Variants in ADAMTS6 observed in about 807,000 individuals in gnomAD.
The protein encoded by ADAMTS6 is ADAM metallopeptidase with thrombospondin type 1 motif 6.
In ADAMTS6, 23 loss-of-function variants were observed where a neutral mutation model predicts 144.3. The observed-to-expected ratio is 0.16, with a 90% CI of 0.11 to 0.23. The LOEUF (loss-of-function observed/expected upper bound fraction) is 0.23, where lower values mean the gene tolerates loss of function less well. ADAMTS6 is among the 10% of genes least tolerant of loss of function. The pLI, the probability that ADAMTS6 is intolerant of heterozygous loss-of-function variation, is 1.00. For missense variants in ADAMTS6, 999 were observed against 1,379.6 expected (o/e 0.72, Z 4.37); for synonymous variants, 444 against 457.5 (o/e 0.97, Z 0.38).
At chr5:65,245,950 G>A (rs2112514780) in intron 14 of ADAMTS6, among the ~76,000 whole-genome samples, 1 of 152,250 alleles carries the variant, frequency 6.6e-6, no homozygotes, top group African/African-American at 2.4e-5. Flanking sequence ...TTGTTTGGCA[G>A]CATTTCACAG....
In ADAMTS6 at chr5:65,473,599, G is replaced by C; in HGVS notation, c.75C>G (p.His25Gln). Residue 25 changes from histidine to glutamine, a missense_variant, in exon 2 of 25, where the codon CAC (histidine) becomes CAG (glutamine). By Grantham distance (24) the His-to-Gln change is conservative (BLOSUM62 0). Coordinates refer to ENST00000381055, the MANE Select transcript of ADAMTS6 (RefSeq NM_197941.4). ...IMASSEFHSD[H>Q]RLSYSSQEEF... ...TACCTTGAGAACTGTATGAAAGCCT[G>C]TGGTCACTATGAAATTCCGATGAAG... 1 of 1,613,654 alleles carries C rather than the reference G, an allele frequency of 6.2e-7. No homozygotes were observed. Among genetic ancestry groups the C allele is most frequent in the Non-Finnish European group, 8.5e-7 (1 of 1,179,634 alleles).
rs1760651020 is a variant in ADAMTS6, at chr5:65,473,852, A to G, written c.-179T>C. The G allele has an allele frequency of 5.9e-6, 3 of 505,338 alleles. No homozygotes were observed. The South Asian group carries it at 1.2e-4, about 20-fold the overall frequency. The allele number at this position is 505,338 out of a possible 1,614,324, so 31.3% of individuals were successfully genotyped here. On this transcript the variant is annotated 5_prime_UTR_variant, in exon 2 of 25. Coordinates refer to ENST00000381055, the MANE Select transcript of ADAMTS6 (RefSeq NM_197941.4). ...ATCCTGCACTTTCTTCTATATCTGGATTCATTTTCTCAATCCAAAATGAAA... is the reference window on the plus strand; with the variant it reads ...ATCCTGCACTTTCTTCTATATCTGGGTTCATTTTCTCAATCCAAAATGAAA...
rs1461796557 is a variant in ADAMTS6, at chr5:65,188,142, C to T, written c.2784G>A (p.Arg928=). The change falls in exon 22 of 25, where the codon AGG becomes AGA. Residue 928 remains arginine (R), a synonymous_variant. Transcript: ENST00000381055. ...GMRTRAVLCI[R]KIGPSEEETL... Reference sequence around the variant, plus strand: ...TCTCCTCCTCAGAAGGTCCGATCTTCCTGATGCAGAGCACTGCCCTTGTGC... The same window carrying T: ...TCTCCTCCTCAGAAGGTCCGATCTTTCTGATGCAGAGCACTGCCCTTGTGC... The T allele has an allele frequency of 6.2e-7, 1 of 1,614,060 alleles. No individual in the cohort carries two copies. The highest frequency in any genetic ancestry group is 1.7e-5 in the Admixed American group (1 of 60,008).
In ADAMTS6 at chr5:65,245,573, C is replaced by T. The variant is rs116094576; in HGVS notation, c.1831-3367G>A. On this transcript the variant is annotated intron_variant, in intron 14 of 24. Coordinates refer to ENST00000381055, the MANE Select transcript of ADAMTS6 (RefSeq NM_197941.4). ...CCTCTATTTTAATAGTCAGAGTGGT[C>T]TATTATATTATAGCTAAATTTTAAT... Among the ~76,000 whole-genome samples the T allele has an allele frequency of 8.1e-3, 1,239 of 152,130 alleles. 24 individuals are homozygous for T. The highest frequency in any genetic ancestry group is 0.029 in the African/African-American group (1,185 of 41,522).
chr5:65,314,756 T>C (rs982741390), intron 9 of ADAMTS6, among the ~76,000 whole-genome samples: 16 of 152,116 alleles, frequency 1.1e-4, no homozygotes, highest in Non-Finnish European at 2.1e-4. Context: ...CTTTCAAAGA[T>C]TAAAGAGAAA....
chr5:65,282,577 C>T (rs1038962776), intron 11 of ADAMTS6, among the ~76,000 whole-genome samples: 4 of 151,984 alleles, frequency 2.6e-5, no homozygotes, highest in Non-Finnish European at 5.9e-5. Context: ...TCTACAGGGC[C>T]GCTTCAACAT....
At chr5:65,171,541 G>A (rs1346897179) in intron 23 of ADAMTS6, among the ~76,000 whole-genome samples, 2 of 152,176 alleles carry the variant, frequency 1.3e-5, no homozygotes, top group African/African-American at 4.8e-5. Flanking sequence ...TTGTGATGAA[G>A]TAGAATAATG....
chr5:65,219,002 A>G (rs117343068), intron 18 of ADAMTS6, among the ~76,000 whole-genome samples: 1 of 152,322 alleles, frequency 6.6e-6, no homozygotes, highest in East Asian at 1.9e-4. Context: ...CTAATAAGCT[A>G]TTTATTAGAG....
At chr5:65,153,946 G>A (rs1180052293) in intron 24 of ADAMTS6, among the ~76,000 whole-genome samples, 5 of 152,188 alleles carry the variant, frequency 3.3e-5, no homozygotes, top group Non-Finnish European at 7.3e-5. Flanking sequence ...AGTGGCTCAC[G>A]TTTGTAATCT....
At chr5:65,216,984 G>A (rs1326899753) in intron 18 of ADAMTS6, among the ~76,000 whole-genome samples, 2 of 152,146 alleles carry the variant, frequency 1.3e-5, no homozygotes, top group African/African-American at 2.4e-5. Flanking sequence ...AAGGACTAAA[G>A]GGTCATGGTG....
At chr5:65,357,768 C>A (rs1044828602) in intron 7 of ADAMTS6, among the ~76,000 whole-genome samples, 3 of 151,742 alleles carry the variant, frequency 2.0e-5, no homozygotes, top group Non-Finnish European at 4.4e-5. Context: ...AGATACATAA[C>A]CTATCATGAC....
intron 12 of ADAMTS6, among the ~76,000 whole-genome samples, chr5:65,271,528 T>C (rs1345882411): frequency 1.3e-5 from 2 of 152,170 alleles, no homozygotes; most frequent in Non-Finnish European, 2.9e-5. Flanking sequence ...ATCTCTATCA[T>C]ATATACGCAC....
At chr5:65,227,515 C>CTTTTTTTTTTTTTTTT (rs1219378709) in intron 15 of ADAMTS6, among the ~76,000 whole-genome samples, 1 of 152,120 alleles carries the variant, frequency 6.6e-6, no homozygotes, top group African/African-American at 2.4e-5. Context: ...GCTAAAACTT[C>CTTTTTTTTTTTTTTTT]TATTTGAAAT....
chr5:65,477,763 A>G (rs1338296265), intron 1 of ADAMTS6, among the ~76,000 whole-genome samples: 1 of 141,878 alleles, frequency 7.0e-6, no homozygotes, highest in African/African-American at 2.6e-5. Context: ...CCCTCCCCAC[A>G]TTTTTTTTTT....
At chr5:65,432,614 A>T (rs1476450281) in intron 7 of ADAMTS6, among the ~76,000 whole-genome samples, 1 of 152,054 alleles carries the variant, frequency 6.6e-6, no homozygotes, top group African/African-American at 2.4e-5. Context: ...AATTTCTCCA[A>T]TGCCACCCAT....
intron 9 of ADAMTS6, among the ~76,000 whole-genome samples, chr5:65,314,299 A>T (rs185227156): frequency 1.3e-5 from 2 of 152,156 alleles, no homozygotes; most frequent in East Asian, 3.9e-4. Context: ...AACTTCCCAA[A>T]CTGAAATACA....
chr5:65,429,292 C>T (rs949050353), intron 7 of ADAMTS6, among the ~76,000 whole-genome samples: 4 of 152,144 alleles, frequency 2.6e-5, no homozygotes, highest in Non-Finnish European at 5.9e-5. Context: ...TGGATCACTC[C>T]CCTTTTGTCC....
At chr5:65,406,865 T>G (rs1222593606) in intron 7 of ADAMTS6, among the ~76,000 whole-genome samples, 1 of 152,138 alleles carries the variant, frequency 6.6e-6, no homozygotes, top group Non-Finnish European at 1.5e-5. Flanking sequence ...TGTTGAATTT[T>G]GTCGAAGATC....
At chr5:65,341,594 C>A (rs1193855798) in intron 7 of ADAMTS6, among the ~76,000 whole-genome samples, 1 of 151,854 alleles carries the variant, frequency 6.6e-6, no homozygotes, top group Non-Finnish European at 1.5e-5. Flanking sequence ...ATGTGAAAAC[C>A]TAGAAGAAAT....
Sources: gnomAD v4.1 joint callset for allele counts (sites outside exome capture counted in the v4.1 genomes callset) on GRCh38, gnomAD v4.1.1 for gene constraint, MANE v1.5 for transcripts, NCBI Gene and HGNC (gene_info 2026-07-23, HGNC 2026-07-21) for gene names.